The following PRRC2A variants were observed in gnomAD, a reference collection of about 807,000 sequenced individuals.
The protein encoded by PRRC2A is proline rich coiled-coil 2A, also known as protein PRRC2A.
In PRRC2A, 59 loss-of-function variants were observed where a neutral mutation model predicts 224.6. The observed-to-expected ratio is 0.26, with a 90% CI of 0.21 to 0.33. The LOEUF is 0.33. Ranked by LOEUF, PRRC2A falls within the 10% of genes least tolerant of loss-of-function variation. PRRC2A has a pLI of 1.00. For missense variants in PRRC2A, 3,095 were observed against 2,880.7 expected (o/e 1.07, Z -1.70); for synonymous variants, 1,194 against 1,109.5 (o/e 1.08, Z -1.51).
In PRRC2A at chr6:31,636,340, G is replaced by T; in HGVS notation, c.5756G>T (p.Gly1919Val). The T allele has an allele frequency of 1.9e-6, 3 of 1,612,968 alleles. No individual in the cohort carries two copies. Among genetic ancestry groups the T allele is most frequent in the Non-Finnish European group, 2.5e-6 (3 of 1,179,998 alleles). ...GAGCTGGGGAAGTTGCCGGCTGGAG[G>T]AGTTCTCTACCCTCCACCTTCCTTC... is the stretch of plus-strand genomic sequence containing the variant. ...ATELGKLPAG[G>V]VLYPPPSFLY... Residue 1919 changes from glycine (G) to valine (V), a missense_variant, in exon 26 of 31, where the codon GGA becomes GTA. Transcript: ENST00000376033. The surrounding 1 kb of genome is among the most constrained non-coding windows in gnomAD (Gnocchi z 4.3).
chr6:31,623,259 ATTTTTTTTT>A lies in PRRC2A; in HGVS notation c.112+375_112+383del, dbSNP rs3993756. On this transcript the variant is annotated intron_variant, in intron 2 of 30. Coordinates refer to ENST00000376033, the MANE Select transcript of PRRC2A (RefSeq NM_004638.4). ...AGCCTTCTTGATAGGGATTTCATAGATTTTTTTTTTTTTTTTTTTTTTTTTGAGACCAAG... is the reference window on the plus strand; with the variant it reads ...AGCCTTCTTGATAGGGATTTCATAGATTTTTTTTTTTTTTTTGAGACCAAG... The A allele has an allele frequency of 7.3e-4, 238 of 323,856 alleles. 1 individual carries two copies. Among genetic ancestry groups the A allele is most frequent in the Middle Eastern group, 1.7e-3 (2 of 1,194 alleles). The allele number at this position is 323,856 out of a possible 1,614,324, so 20.1% of individuals were successfully genotyped here. A position where few individuals can be genotyped will look rare whatever the true frequency, so the allele number is the denominator to read the frequency against.
Position 31,631,281 on chromosome 6 carries a change from A to G in PRRC2A, c.2608A>G (p.Ser870Gly). The G allele has an allele frequency of 3.1e-6, 5 of 1,612,198 alleles. No homozygotes were observed. Among genetic ancestry groups the G allele is most frequent in the Non-Finnish European group, 4.2e-6 (5 of 1,179,696 alleles). ...CCGTCCACTCCCCTGGCCCCCAGGC[A>G]GTGATGAAGTGGCCAAGATACAAAC... ...GPRPLPWPPG[S>G]DEVAKIQTPP... The change falls in exon 16 of 31, where the codon AGT becomes GGT. Residue 870 changes from serine (S) to glycine (G), a missense_variant. This residue lies in a region of PRRC2A where 2,001 missense variants were observed against 1,764.9 expected (regional missense o/e 1.13). Coordinates refer to ENST00000376033, the MANE Select transcript of PRRC2A (RefSeq NM_004638.4). The surrounding 1 kb of genome is among the most constrained non-coding windows in gnomAD (Gnocchi z 4.5).
Position 31,633,848 on chromosome 6 carries a change from C to G in PRRC2A, c.4589-11C>G. The G allele has an allele frequency of 6.4e-7, 1 of 1,572,380 alleles. No homozygotes were observed. Among genetic ancestry groups the G allele is most frequent in the Non-Finnish European group, 8.6e-7 (1 of 1,168,106 alleles). On this transcript the variant is annotated splice_polypyrimidine_tract_variant and intron_variant, in intron 17 of 30. Coordinates refer to ENST00000376033, the MANE Select transcript of PRRC2A (RefSeq NM_004638.4). ...AGCCAGGCAGATGCTGACCCTTTTT[C>G]TCTTTCCCAGACCCCCACTTTGAGG...
chr6:31,637,583 C>T lies in PRRC2A; in HGVS notation c.6471C>T (p.Arg2157=), dbSNP rs756280804. 6 of 1,478,888 alleles carry T rather than the reference C, an allele frequency of 4.1e-6. No homozygotes were observed. Among genetic ancestry groups the T allele is most frequent in the Non-Finnish European group, 4.5e-6 (5 of 1,102,956 alleles). 91.6% of individuals were successfully genotyped at this position (1,478,888 alleles called of 1,614,324 possible). Residue 2157 remains arginine, a synonymous_variant, in exon 31 of 31, where the codon CGC becomes CGT. Coordinates refer to ENST00000376033, the MANE Select transcript of PRRC2A (RefSeq NM_004638.4). ...GDKEPGLPPP[R] is the part of the protein sequence containing the mutation. ...AGGAGCCTGGGTTGCCCCCACCCCG[C>T]TGAGGGAGTTCCTCTTGCCCCCTAC...
rs1312976263 is a variant in PRRC2A at position 31,627,711 on chromosome 6, TAGAA to T, written c.1291-51_1291-48del. ...AGTTGATTTGTTGTAAAAGAGATGA[TAGAA>T]AGCATAGTAACTGATTCCCCTGGCC... On this transcript the variant is annotated intron_variant, in intron 11 of 30. Coordinates refer to ENST00000376033, the MANE Select transcript of PRRC2A (RefSeq NM_004638.4). The surrounding 1 kb of genome is among the most constrained non-coding windows in gnomAD (Gnocchi z 5.6). 13 of 1,584,446 alleles carry T rather than the reference TAGAA, an allele frequency of 8.2e-6. No individual in the cohort carries two copies. The highest frequency in any genetic ancestry group is 4.5e-5 in the East Asian group (2 of 44,322).
Position 31,636,561 on chromosome 6 carries a change from C to G in PRRC2A, c.5887C>G (p.Pro1963Ala). The change falls in exon 27 of 31, where the codon CCT (proline) becomes GCT (alanine). Residue 1963 changes from proline (P) to alanine (A), a missense_variant. By Grantham distance (27) the Pro-to-Ala change is conservative (BLOSUM62 -1). Coordinates refer to ENST00000376033, the MANE Select transcript of PRRC2A (RefSeq NM_004638.4). This position sits in a 1 kb window ranked among gnomAD's most constrained non-coding sequence, Gnocchi z 4.3. ...PSDFYSTPLQ[P>A]GGQSGFLPSG... ...GGATTTTTATTCTACTCCTCTGCAG[C>G]CTGGTGGCCAAAGTGGCTTTCTCCC... 6.2e-7 allele frequency: 1 copy of G among 1,608,518 alleles called. No homozygotes were observed. The highest frequency in any genetic ancestry group is 8.5e-7 in the Non-Finnish European group (1 of 1,177,968).
In PRRC2A at chr6:31,631,588, G is replaced by A; in HGVS notation, c.2915G>A (p.Gly972Glu). ...CTGCCTCCCAAGCCCCTCGAACAGG[G>A]GGATGAAACCCCCAAACCCCCAAAG... ...EELPPKPLEQ[G>E]DETPKPPKPD... The change falls in exon 16 of 31, where the codon GGG becomes GAG. Residue 972 changes from glycine to glutamate, a missense_variant. Gly to Glu is a moderately conservative substitution (Grantham distance 98). Around this residue, in one of 8 missense-constraint regions of PRRC2A, gnomAD observed 2,001 missense variants for 1,764.9 expected, o/e 1.13. Coordinates refer to ENST00000376033, the MANE Select transcript of PRRC2A (RefSeq NM_004638.4). This position sits in a 1 kb window ranked among gnomAD's most constrained non-coding sequence, Gnocchi z 4.5. 4 of 1,563,524 alleles carry A rather than the reference G, an allele frequency of 2.6e-6. No individual in the cohort carries two copies. The South Asian group carries it at 3.6e-5, about 14-fold the overall frequency.
rs763567546 is a variant in PRRC2A at position 31,631,971 on chromosome 6, C to A, written c.3298C>A (p.Arg1100=). Residue 1100 remains arginine, a synonymous_variant, in exon 16 of 31, where the codon CGG becomes AGG. Coordinates refer to ENST00000376033, the MANE Select transcript of PRRC2A (RefSeq NM_004638.4). This position sits in a 1 kb window ranked among gnomAD's most constrained non-coding sequence, Gnocchi z 4.5. Reference sequence around the variant, plus strand: ...TTCAGAGTATGAGGAAATCCCCAAGCGGCGCCGGCAGCGGGGCTCAGAAAC... The same window carrying A: ...TTCAGAGTATGAGGAAATCCCCAAGAGGCGCCGGCAGCGGGGCTCAGAAAC... The part of the protein sequence containing the change: ...EGSEYEEIPK[R]RRQRGSETGS... The A allele has an allele frequency of 6.2e-7, 1 of 1,612,538 alleles. No individual in the cohort carries two copies. The highest frequency in any genetic ancestry group is 8.5e-7 in the Non-Finnish European group (1 of 1,179,760).
At position 31,625,123 on chromosome 6, in the gene PRRC2A, C is replaced by A. The variant is rs368542839; in HGVS notation, c.464-48C>A. The A allele has an allele frequency of 3.8e-6, 6 of 1,582,220 alleles. No homozygotes were observed. Among genetic ancestry groups the A allele is most frequent in the Non-Finnish European group, 5.2e-6 (6 of 1,158,846 alleles). On this transcript the variant is annotated intron_variant, in intron 5 of 30. Coordinates refer to ENST00000376033, the MANE Select transcript of PRRC2A (RefSeq NM_004638.4). This position sits in a 1 kb window ranked among gnomAD's most constrained non-coding sequence, Gnocchi z 4.1. ...AGAGTCTTCCACTTTTATAGCATGT[C>A]CTCAGGAAATGTCTTCTGTCTCCTG...
rs1049998198 is a variant in PRRC2A at position 31,622,960 on chromosome 6, G to A, written c.112+59G>A. ...AAAGCTAGGCATGCATGGGGCATAC[G>A]TTTTAGAGCTCTTTAAAGGGAAGTG... On this transcript the variant is annotated intron_variant, in intron 2 of 30. Transcript: ENST00000376033. 52 of 1,366,402 alleles carry A rather than the reference G, an allele frequency of 3.8e-5. 1 individual carries two copies. Among genetic ancestry groups the A allele is most frequent in the Middle Eastern group, 3.6e-4 (2 of 5,624 alleles). The allele number at this position is 1,366,402 out of a possible 1,614,324, so 84.6% of individuals were successfully genotyped here.
chr6:31,632,596 A>G lies in PRRC2A; in HGVS notation c.3923A>G (p.Asp1308Gly). The G allele has an allele frequency of 6.2e-7, 1 of 1,613,058 alleles. No homozygotes were observed. The highest frequency in any genetic ancestry group is 1.1e-5 in the South Asian group (1 of 91,078). ...CGCCGGGCAGCTGCCAAGTCTCCTG[A>G]TCTGTCAAACCAGAACTCAGACCAA... ...APRRAAAKSP[D>G]LSNQNSDQAN... Residue 1308 changes from aspartate (D) to glycine (G), a missense_variant, in exon 16 of 31, where the codon GAT becomes GGT. By Grantham distance (94) the Asp-to-Gly change is moderately conservative (BLOSUM62 -1). Coordinates refer to ENST00000376033, the MANE Select transcript of PRRC2A (RefSeq NM_004638.4).
Position 31,624,464 on chromosome 6 carries a change from T to G in PRRC2A, c.405T>G (p.Val135=). Residue 135 remains valine, a synonymous_variant, in exon 5 of 31, where the codon GTT becomes GTG. Coordinates refer to ENST00000376033, the MANE Select transcript of PRRC2A (RefSeq NM_004638.4). ...CACTTCCCCAGAACACTCCTTTGGTTCCAAGCGGGGTAAAGTCCTGGGCAC... is the reference window on the plus strand; with the variant it reads ...CACTTCCCCAGAACACTCCTTTGGTGCCAAGCGGGGTAAAGTCCTGGGCAC... ...PPAAPENTPL[V]PSGVKSWAQA... The G allele has an allele frequency of 6.2e-7, 1 of 1,613,832 alleles. No homozygotes were observed.
In PRRC2A at chr6:31,631,135, T is replaced by C. The variant is rs1209136597; in HGVS notation, c.2466-4T>C. On this transcript the variant is annotated splice_polypyrimidine_tract_variant and splice_region_variant and intron_variant, in intron 15 of 30. Coordinates refer to ENST00000376033, the MANE Select transcript of PRRC2A (RefSeq NM_004638.4). The surrounding 1 kb of genome is among the most constrained non-coding windows in gnomAD (Gnocchi z 4.5). ...ATTTCCATTCTTTCTGTCTGTCTCT[T>C]CAGGAGCGAGACTCCTCCAGTACCT... 2.7e-6 allele frequency: 4 copies of C among 1,494,458 alleles called. No individual in the cohort carries two copies. In the East Asian group the frequency reaches 6.8e-5, roughly 26 times the overall value. The allele number at this position is 1,494,458 out of a possible 1,614,324, so 92.6% of individuals were successfully genotyped here.
Position 31,629,652 on chromosome 6 carries a change from G to T in PRRC2A, c.2061G>T (p.Leu687=), listed in dbSNP as rs1424273811. 6.2e-7 allele frequency: 1 copy of T among 1,610,160 alleles called. No homozygotes were observed. The highest frequency in any genetic ancestry group is 1.7e-5 in the Admixed American group (1 of 59,804). Reference sequence around the variant, plus strand: ...CATCACCACCACAGCCTGTGACCCTGGGGGCTGTGCCAGCTCCACAGGCTC... The same window carrying T: ...CATCACCACCACAGCCTGTGACCCTTGGGGCTGTGCCAGCTCCACAGGCTC... The part of the protein sequence containing the change: ...VPPSPPQPVT[L]GAVPAPQAPP... The change falls in exon 14 of 31, where the codon CTG becomes CTT. Residue 687 remains leucine (L), a synonymous_variant. Coordinates refer to ENST00000376033, the MANE Select transcript of PRRC2A (RefSeq NM_004638.4).
chr6:31,624,185 G>T, intron 3 of PRRC2A, 76 bp from the exon 4 acceptor site: 1 of 1,413,648 alleles, frequency 7.1e-7, no homozygotes, highest in Non-Finnish European at 9.9e-7. Flanking sequence ...CATGATTTCA[G>T]TCCTGAGTCT....
chr6:31,623,737 C>A lies in PRRC2A; in HGVS notation c.118C>A (p.Pro40Thr). Residue 40 changes from proline to threonine, a missense_variant, in exon 3 of 31, where the codon CCT becomes ACT. Physicochemically the swap from Pro to Thr is conservative, Grantham distance 38. Coordinates refer to ENST00000376033, the MANE Select transcript of PRRC2A (RefSeq NM_004638.4). Reference protein sequence around the residue: ...SLEIQKPAVAPRHGLQSLGKV... With the variant: ...SLEIQKPAVATRHGLQSLGKV... The stretch of plus-strand genomic sequence containing the variant: ...CTCTCCGTCTTGTTCTCCAGTTGCC[C>A]CTCGCCATGGCCTGCAGAGTCTCGG... 6.2e-7 allele frequency: 1 copy of A among 1,614,076 alleles called. No individual in the cohort carries two copies.
At chr6:31,623,236 C>A in intron 2 of PRRC2A, 1 of 595,496 alleles carries the variant, frequency 1.7e-6, no homozygotes, top group Non-Finnish European at 3.1e-6. Flanking sequence ...CATATCTCAG[C>A]CTTCTTGATA....
At chr6:31,633,280 A>G in intron 16 of PRRC2A, 99 bp from the exon 17 acceptor site, 2 of 1,495,952 alleles carry the variant, frequency 1.3e-6, no homozygotes, top group Non-Finnish European at 9.0e-7. Context: ...GGACTTTAAT[A>G]GGGAAGAGAA....
In PRRC2A at chr6:31,632,181, C is replaced by T. The variant is rs777554763; in HGVS notation, c.3508C>T (p.Arg1170Trp). The change falls in exon 16 of 31, where the codon CGG becomes TGG. Residue 1170 changes from arginine to tryptophan, a missense_variant. Physicochemically the swap from Arg to Trp is moderately radical, Grantham distance 101. Coordinates refer to ENST00000376033, the MANE Select transcript of PRRC2A (RefSeq NM_004638.4). ...CACTCCCAGAGGGGTGCCATCTCGC[C>T]GGGGCCGAGGAGGAGGGAGGCCCCC... The part of the protein sequence containing the change: ...VFTPRGVPSR[R>W]GRGGGRPPPQ... 3.4e-5 allele frequency: 54 copies of T among 1,597,312 alleles called. No individual in the cohort carries two copies. Among genetic ancestry groups the T allele is most frequent in the East Asian group, 6.7e-5 (3 of 44,728 alleles).
Sources: gnomAD v4.1 joint callset for allele counts on GRCh38, gnomAD v4.1.1 for gene constraint, gnomAD v4.1.1 regional missense constraint, Gnocchi (gnomAD v3.1) non-coding constraint, MANE v1.5 for transcripts, NCBI Gene and HGNC (gene_info 2026-07-23, HGNC 2026-07-21) for gene names.